PTPRM: variants seen among roughly 807,000 people sequenced by gnomAD.
The protein encoded by PTPRM is receptor-type tyrosine-protein phosphatase mu.
PTPRM carries 47 observed loss-of-function variants against 186.7 expected under a neutral mutation model. The observed-to-expected ratio is 0.25, with a 90% CI of 0.20 to 0.32. PTPRM has a LOEUF of 0.32. PTPRM is among the 10% of genes least tolerant of loss of function. The pLI is 1.00. For missense variants in PTPRM, 1,494 were observed against 1,865.0 expected (o/e 0.80, Z 3.66); for synonymous variants, 668 against 674.9 (o/e 0.99, Z 0.16).
At chr18:7,723,544 C>T (rs980677449) in intron 1 of PTPRM, among the ~76,000 whole-genome samples, 4 of 152,078 alleles carry the variant, frequency 2.6e-5, no homozygotes, top group African/African-American at 7.2e-5. Flanking sequence ...TGTCAGTGCC[C>T]ACCCCTGCCC....
chr18:8,236,977 A>G (rs373132811), intron 14 of PTPRM, among the ~76,000 whole-genome samples: 6 of 151,928 alleles, frequency 3.9e-5, no homozygotes, highest in African/African-American at 7.2e-5. Context: ...TTTGGTTTTA[A>G]TGGAGCATTT....
intron 9 of PTPRM, among the ~76,000 whole-genome samples, chr18:8,085,352 A>G (rs1030717122): frequency 6.6e-6 from 1 of 152,094 alleles, no homozygotes; most frequent in Non-Finnish European, 1.5e-5. Context: ...ATATTTTCTT[A>G]TTTTGTTCTA....
At chr18:8,101,388 T>C (rs2091284695) in intron 11 of PTPRM, among the ~76,000 whole-genome samples, 1 of 152,244 alleles carries the variant, frequency 6.6e-6, no homozygotes, top group African/African-American at 2.4e-5. Flanking sequence ...AAACAACTTA[T>C]AGATAACATG....
At chr18:8,033,557 A>G (rs1257063405) in intron 7 of PTPRM, among the ~76,000 whole-genome samples, 1 of 152,206 alleles carries the variant, frequency 6.6e-6, no homozygotes, top group African/African-American at 2.4e-5. Flanking sequence ...ACTATACTGA[A>G]TACTGAAGGC....
chr18:7,943,117 T>C (rs2052297262), intron 5 of PTPRM, among the ~76,000 whole-genome samples: 1 of 152,186 alleles, frequency 6.6e-6, no homozygotes, highest in Non-Finnish European at 1.5e-5. Flanking sequence ...TTGCCCTGCC[T>C]GGTCCTTTCT....
intron 22 of PTPRM, among the ~76,000 whole-genome samples, chr18:8,342,312 A>G (rs927626720): frequency 1.3e-5 from 2 of 152,240 alleles, no homozygotes; most frequent in Non-Finnish European, 2.9e-5. Context: ...GCCTGAGTAT[A>G]CATTAATTCC....
At chr18:8,175,156 C>T (rs1336461041) in intron 14 of PTPRM, among the ~76,000 whole-genome samples, 4 of 152,144 alleles carry the variant, frequency 2.6e-5, no homozygotes, top group East Asian at 1.9e-4. Context: ...GATTGAGCTT[C>T]GTAATTAGAC....
At chr18:7,802,500 G>A (rs1359848529) in intron 2 of PTPRM, among the ~76,000 whole-genome samples, 1 of 152,024 alleles carries the variant, frequency 6.6e-6, no homozygotes, top group Non-Finnish European at 1.5e-5. Flanking sequence ...GGTGACAGAG[G>A]ACACCAGATA....
chr18:8,120,307 T>A (rs1281461483), intron 13 of PTPRM, among the ~76,000 whole-genome samples: 1 of 152,188 alleles, frequency 6.6e-6, no homozygotes, highest in African/African-American at 2.4e-5. Context: ...ATAAAAATCC[T>A]TCCTGGTATT....
intron 7 of PTPRM, among the ~76,000 whole-genome samples, chr18:8,025,267 A>T (rs2085499616): frequency 6.6e-6 from 1 of 152,130 alleles, no homozygotes; most frequent in Admixed American, 6.5e-5. Context: ...TTTGGTCTAC[A>T]TGTTTGAAAA....
At chr18:7,906,445 G>GTATATAT in intron 3 of PTPRM, 60 bp from the exon 4 acceptor site, 2 of 1,291,666 alleles carry the variant, frequency 1.5e-6, no homozygotes, top group Non-Finnish European at 2.2e-6. Flanking sequence ...ATATATAGGA[G>GTATATAT]ATACTTGGTA....
chr18:7,985,879 G>A (rs551887381), intron 7 of PTPRM, among the ~76,000 whole-genome samples: 4 of 152,178 alleles, frequency 2.6e-5, no homozygotes, highest in Admixed American at 6.5e-5. Flanking sequence ...TAAACTTTAA[G>A]TAGTGTCCAG....
intron 5 of PTPRM, among the ~76,000 whole-genome samples, chr18:7,940,333 G>A (rs993289533): frequency 1.3e-5 from 2 of 152,192 alleles, no homozygotes; most frequent in African/African-American, 2.4e-5. Context: ...GAGATAGAGA[G>A]CAACTATGGT....
chr18:7,945,220 G>A (rs2052439634), intron 5 of PTPRM, among the ~76,000 whole-genome samples: 1 of 151,640 alleles, frequency 6.6e-6, no homozygotes, highest in Non-Finnish European at 1.5e-5. Context: ...TTGGGAGGCT[G>A]AGGCGGGCAG....
chr18:7,740,832 A>C (rs536621417), intron 1 of PTPRM, among the ~76,000 whole-genome samples: 5 of 152,208 alleles, frequency 3.3e-5, no homozygotes, highest in Non-Finnish European at 7.4e-5. Context: ...ATGGCTATAC[A>C]TGGTTAAGCT....
chr18:7,608,190 T>G (rs2037583649), intron 1 of PTPRM, among the ~76,000 whole-genome samples: 1 of 152,144 alleles, frequency 6.6e-6, no homozygotes, highest in Admixed American at 6.5e-5. Flanking sequence ...AGACATACCT[T>G]GAGAGTATTG....
At chr18:7,663,359 G>A (rs747206251) in intron 1 of PTPRM, among the ~76,000 whole-genome samples, 2 of 152,194 alleles carry the variant, frequency 1.3e-5, no homozygotes, top group Admixed American at 1.3e-4. Flanking sequence ...ACTGAGAGGG[G>A]TGGGGCAGTG....
At chr18:8,038,796 A>G (rs913319309) in intron 7 of PTPRM, among the ~76,000 whole-genome samples, 7 of 152,152 alleles carry the variant, frequency 4.6e-5, no homozygotes, top group African/African-American at 1.7e-4. Context: ...GATTGTTATT[A>G]TGCAAGTCTC....
intron 20 of PTPRM, among the ~76,000 whole-genome samples, chr18:8,311,323 A>C (rs2095266699): frequency 6.6e-6 from 1 of 151,886 alleles, no homozygotes; most frequent in Non-Finnish European, 1.5e-5. Flanking sequence ...AAAAAAAAAA[A>C]CCTGAAATTT....
Sources: allele counts gnomAD v4.1 joint callset (sites outside exome capture counted in the v4.1 genomes callset), GRCh38; gene constraint gnomAD v4.1.1; transcripts MANE v1.5; gene names NCBI Gene and HGNC (gene_info 2026-07-23, HGNC 2026-07-21).